Variants in NKAIN3 observed in about 807,000 individuals in gnomAD.
The protein encoded by NKAIN3 is sodium/potassium transporting ATPase interacting 3, also known as sodium/potassium-transporting ATPase subunit beta-1-interacting protein 3.
In NKAIN3, 25 loss-of-function variants were observed where a neutral mutation model predicts 30.2. The ratio of observed to expected loss-of-function variants is 0.83; its 90% CI spans 0.60 to 1.16. NKAIN3 has a LOEUF of 1.16. Among genes scored for constraint, NKAIN3 ranks in the 50% most tolerant of loss-of-function variants. The pLI, the probability that NKAIN3 is intolerant of heterozygous loss-of-function variation, is 0.00. For missense variants in NKAIN3, 225 were observed against 254.1 expected (o/e 0.89, Z 0.78); for synonymous variants, 91 against 89.6 (o/e 1.02, Z -0.09).
At position 62,881,758 on chromosome 8, in the gene NKAIN3, G is replaced by A. The variant is rs556105597; in HGVS notation, c.472-36695G>A. Among the ~76,000 whole-genome samples the A allele has an allele frequency of 1.1e-4, 17 of 152,300 alleles. No individual in the cohort carries two copies. In the South Asian group the frequency reaches 2.7e-3, roughly 24 times the overall value. ...CTGTTTTGCATGAATACCAAAAGGC[G>A]TGATTGCTGGATCATATGGTAAGAA... On this transcript the variant is annotated intron_variant, in intron 4 of 6. Transcript: ENST00000623646.
intron 3 of NKAIN3, among the ~76,000 whole-genome samples, chr8:62,622,981 G>A (rs1295147644): frequency 1.3e-5 from 2 of 151,814 alleles, no homozygotes; most frequent in Non-Finnish European, 1.5e-5. Flanking sequence ...AAATTAATAT[G>A]TTCACAAGGG....
At chr8:62,611,689 G>C (rs958949831) in intron 3 of NKAIN3, among the ~76,000 whole-genome samples, 1 of 152,082 alleles carries the variant, frequency 6.6e-6, no homozygotes, top group Admixed American at 6.6e-5. Flanking sequence ...CTGTTCATCT[G>C]TTGATGGACA....
At chr8:62,996,290 C>T (rs562459682) in intron 5 of NKAIN3, among the ~76,000 whole-genome samples, 1 of 150,410 alleles carries the variant, frequency 6.6e-6, no homozygotes, top group Non-Finnish European at 1.5e-5. Flanking sequence ...ACAGAGTGCG[C>T]AGGGGAAAGC....
intron 3 of NKAIN3, among the ~76,000 whole-genome samples, chr8:62,612,345 A>T (rs555408035): frequency 6.6e-6 from 1 of 151,976 alleles, no homozygotes; most frequent in East Asian, 1.9e-4. Context: ...TACTGAAATG[A>T]TCCCTTTGTC....
At chr8:62,549,108 T>C (rs1585933430) in intron 1 of NKAIN3, among the ~76,000 whole-genome samples, 1 of 152,328 alleles carries the variant, frequency 6.6e-6, no homozygotes, top group South Asian at 2.1e-4. Context: ...TTCTAGATTA[T>C]GTTCATGCTC....
At chr8:62,547,743 C>G (rs1293485753) in intron 1 of NKAIN3, among the ~76,000 whole-genome samples, 1 of 152,168 alleles carries the variant, frequency 6.6e-6, no homozygotes, top group Non-Finnish European at 1.5e-5. Flanking sequence ...TACTGGGCTT[C>G]AAGCTGTGAG....
At chr8:62,746,880 C>A in intron 3 of NKAIN3, 52 bp from the exon 4 acceptor site, 1 of 1,297,044 alleles carries the variant, frequency 7.7e-7, no homozygotes, top group Non-Finnish European at 1.1e-6. Context: ...AAGTCAAAGA[C>A]GTGATGTAAT....
chr8:62,408,232 A>C (rs1266739676), intron 1 of NKAIN3, among the ~76,000 whole-genome samples: 1 of 152,236 alleles, frequency 6.6e-6, no homozygotes, highest in African/African-American at 2.4e-5. Flanking sequence ...GTAGATTTTA[A>C]GTGGAATCAT....
intron 1 of NKAIN3, among the ~76,000 whole-genome samples, chr8:62,577,543 T>C (rs1810154875): frequency 6.6e-6 from 1 of 150,424 alleles, no homozygotes; most frequent in Admixed American, 6.6e-5. Context: ...TTCCTTTTTT[T>C]TTTTTTTTTT....
At chr8:62,536,538 G>A (rs1195769299) in intron 1 of NKAIN3, among the ~76,000 whole-genome samples, 1 of 152,012 alleles carries the variant, frequency 6.6e-6, no homozygotes, top group Non-Finnish European at 1.5e-5. Flanking sequence ...CAGTAGAACA[G>A]CAGCAAGCAT....
At chr8:62,292,441 A>G (rs988496034) in intron 1 of NKAIN3, among the ~76,000 whole-genome samples, 1 of 152,056 alleles carries the variant, frequency 6.6e-6, no homozygotes, top group Admixed American at 6.6e-5. Context: ...ATGGTGACAA[A>G]ATCTCTCAGC....
chr8:62,601,381 G>A (rs1372922584), intron 3 of NKAIN3, among the ~76,000 whole-genome samples: 1 of 151,932 alleles, frequency 6.6e-6, no homozygotes, highest in East Asian at 1.9e-4. Context: ...CTGGCAAATT[G>A]TACAGAAATA....
intron 4 of NKAIN3, among the ~76,000 whole-genome samples, chr8:62,762,417 A>G (rs528423969): frequency 1.3e-5 from 2 of 152,356 alleles, no homozygotes; most frequent in South Asian, 4.1e-4. Context: ...ACAAAAATTC[A>G]TATGGGTAGA....
intron 4 of NKAIN3, among the ~76,000 whole-genome samples, chr8:62,781,142 T>C (rs1056111019): frequency 6.6e-6 from 1 of 151,754 alleles, no homozygotes; most frequent in Non-Finnish European, 1.5e-5. Context: ...AATATTGAAA[T>C]AGCCAAAAAG....
At chr8:62,667,347 T>TTATA (rs201033796) in intron 3 of NKAIN3, among the ~76,000 whole-genome samples, 2 of 80,656 alleles carry the variant, frequency 2.5e-5, no homozygotes, top group Admixed American at 1.2e-4. Flanking sequence ...TATATATTCT[T>TTATA]TATATATATA....
chr8:62,855,971 G>A, intron 4 of NKAIN3: 1 of 698,904 alleles, frequency 1.4e-6, no homozygotes, highest in South Asian at 1.6e-5. Flanking sequence ...CACTAAACAG[G>A]GTTGAGCTCC....
chr8:62,820,000 T>C (rs1818804326), intron 4 of NKAIN3, among the ~76,000 whole-genome samples: 1 of 152,034 alleles, frequency 6.6e-6, no homozygotes, highest in African/African-American at 2.4e-5. Flanking sequence ...AAAGCTTATG[T>C]TAGGAAAATG....
chr8:62,384,635 T>C (rs1817369838), intron 1 of NKAIN3, among the ~76,000 whole-genome samples: 1 of 152,178 alleles, frequency 6.6e-6, no homozygotes, highest in Non-Finnish European at 1.5e-5. Flanking sequence ...ACCCATATTG[T>C]TCAAGAATCA....
In NKAIN3 at chr8:62,405,440, C is replaced by T. The variant is rs1054566707; in HGVS notation, c.54+156313C>T. Among the ~76,000 whole-genome samples, 33 of 152,212 alleles carry T rather than the reference C, an allele frequency of 2.2e-4. 2 individuals carry two copies. The highest frequency in any genetic ancestry group is 6.0e-4 in the African/African-American group (25 of 41,452). ...GAGCTGCAAGAACTCAGGTTCTGAC[C>T]ACTGGGATTAACAATTTTCCTCTAG... On this transcript the variant is annotated intron_variant, in intron 1 of 6. Transcript: ENST00000623646.
Sources: gnomAD v4.1 joint callset for allele counts (sites outside exome capture counted in the v4.1 genomes callset) on GRCh38, gnomAD v4.1.1 for gene constraint, MANE v1.5 for transcripts, NCBI Gene and HGNC (gene_info 2026-07-23, HGNC 2026-07-21) for gene names.